Variants in BAHCC1 observed in about 807,000 individuals in gnomAD.
The protein encoded by BAHCC1 is BAH domain and coiled-coil containing 1, also known as BAH and coiled-coil domain-containing protein 1.
In BAHCC1, 43 loss-of-function variants were observed where a neutral mutation model predicts 88.2. That is an observed-to-expected ratio of 0.49 (90% confidence interval 0.38 to 0.63). BAHCC1 has a LOEUF of 0.63. Ranked by LOEUF, BAHCC1 falls within the 20% of genes least tolerant of loss-of-function variation. The pLI is 0.00. For missense variants in BAHCC1, 3,023 were observed against 1,654.8 expected, an observed-to-expected ratio of 1.83 and a Z score of -14.34; for synonymous variants, 1,510 against 745.5, an observed-to-expected ratio of 2.03 and a Z score of -16.71.
chr17:81,410,015 T>A, intron 2 of BAHCC1: 1 of 268,762 alleles, frequency 3.7e-6, no homozygotes. Flanking sequence ...TGGGGATCGG[T>A]GGCCCCTGCT....
Position 81,406,799 on chromosome 17 carries a change from T to C in BAHCC1, c.178+6882T>C, listed in dbSNP as rs180923692. 525 of 439,240 alleles carry C rather than the reference T, an allele frequency of 1.2e-3. 2 individuals are homozygous for C. Among genetic ancestry groups the C allele is most frequent in the African/African-American group, 9.7e-3 (482 of 49,610 alleles). The allele number at this position is 439,240 out of a possible 1,614,324, so 27.2% of individuals were successfully genotyped here. A position where few individuals can be genotyped will look rare whatever the true frequency, so the allele number is the denominator to read the frequency against. The stretch of plus-strand genomic sequence containing the variant: ...CTGGGGGCAGGCGGCGCCCAGGTCC[T>C]GGTTATGAGGTCGGCGCGGGGTTTG... On this transcript the variant is annotated intron_variant, in intron 2 of 27. Coordinates refer to ENST00000675386, the MANE Select transcript of BAHCC1 (RefSeq NM_001377448.1).
chr17:81,447,562 C>G lies in BAHCC1; in HGVS notation c.3690C>G (p.Asp1230Glu). 1.3e-6 allele frequency: 1 copy of G among 756,724 alleles called. No individual in the cohort carries two copies. The highest frequency in any genetic ancestry group is 2.5e-6 in the Non-Finnish European group (1 of 407,052). 46.9% of individuals were successfully genotyped at this position (756,724 alleles called of 1,614,324 possible). The part of the protein sequence containing the change: ...PAPEEDELEE[D>E]ELGQQSMEDS... ...CTGAGGAGGACGAGCTGGAGGAAGA[C>G]GAGCTGGGGCAGCAGAGCATGGAGG... Residue 1230 changes from aspartate to glutamate, a missense_variant, in exon 11 of 28, where the codon GAC becomes GAG. Transcript: ENST00000675386.
At position 81,463,986 on chromosome 17, in the gene BAHCC1, A is replaced by C; in HGVS notation, c.*169A>C. ...AGGCTTTCTTACGGTTTTCCCTGGA[A>C]AGAGCGCTCCAGGTGTCGGAATCCA... On this transcript the variant is annotated 3_prime_UTR_variant, in exon 28 of 28. Coordinates refer to ENST00000675386, the MANE Select transcript of BAHCC1 (RefSeq NM_001377448.1). 1 of 610,736 alleles carries C rather than the reference A, an allele frequency of 1.6e-6. No individual in the cohort carries two copies. Among genetic ancestry groups the C allele is most frequent in the Non-Finnish European group, 2.9e-6 (1 of 341,362 alleles). 37.8% of individuals were successfully genotyped at this position (610,736 alleles called of 1,614,324 possible).
Position 81,435,835 on chromosome 17 carries a change from C to T in BAHCC1, c.359-2535C>T, listed in dbSNP as rs1555651656. Among the ~76,000 whole-genome samples the T allele has an allele frequency of 1.3e-5, 2 of 151,930 alleles. No individual in the cohort carries two copies. The highest frequency in any genetic ancestry group is 2.9e-5 in the Non-Finnish European group (2 of 67,948). ...CCCCACTCCTCAGTGGCAGCCCCTT[C>T]CAGGATGCCTGTGTGTCCCCGGCCC... is the stretch of plus-strand genomic sequence containing the variant. On this transcript the variant is annotated intron_variant, in intron 3 of 27. Coordinates refer to ENST00000675386, the MANE Select transcript of BAHCC1 (RefSeq NM_001377448.1). The surrounding 1 kb of genome is among the most constrained non-coding windows in gnomAD (Gnocchi z 4.4).
chr17:81,419,784 G>A (rs1379224985), intron 2 of BAHCC1, among the ~76,000 whole-genome samples: 6 of 145,636 alleles, frequency 4.1e-5, no homozygotes, highest in African/African-American at 1.5e-4. Flanking sequence ...CCATCTCAAC[G>A]AGGCGTTTTT....
At chr17:81,398,944 A>C (rs562000653) in intron 1 of BAHCC1, among the ~76,000 whole-genome samples, 2 of 151,952 alleles carry the variant, frequency 1.3e-5, no homozygotes, top group African/African-American at 4.8e-5. Flanking sequence ...AAAAAAAAAA[A>C]AAACTCTTGA....
At chr17:81,414,375 T>A (rs1555648294) in intron 2 of BAHCC1, among the ~76,000 whole-genome samples, 1 of 152,202 alleles carries the variant, frequency 6.6e-6, no homozygotes, top group African/African-American at 2.4e-5. Flanking sequence ...GCGGCCAGCA[T>A]CACGGCCCGG....
At chr17:81,424,646 G>A (rs200986008) in intron 2 of BAHCC1, among the ~76,000 whole-genome samples, 2,191 of 152,186 alleles carry the variant, frequency 0.014, 114 homozygotes, top group East Asian at 0.12. Context: ...GATGTGGTTG[G>A]TGGTAATGGT....
rs782114732 is a variant in BAHCC1 at position 81,445,166 on chromosome 17, C to G, written c.2823C>G (p.Ala941=). The G allele has an allele frequency of 3.9e-6, 3 of 769,484 alleles. No homozygotes were observed. Among genetic ancestry groups the G allele is most frequent in the South Asian group, 1.4e-5 (1 of 72,828 alleles). 47.7% of individuals were successfully genotyped at this position (769,484 alleles called of 1,614,324 possible). ...TCTATGCTTTGCAGCAGCAGAGGGC[C>G]GCCCAGTTCCAGGTACCGCCCCTAG... ...QELYALQQQR[A]AQFQRKPEDQ... The change falls in exon 9 of 28, where the codon GCC becomes GCG. Residue 941 remains alanine (A), a synonymous_variant. Coordinates refer to ENST00000675386, the MANE Select transcript of BAHCC1 (RefSeq NM_001377448.1).
At chr17:81,403,799 G>C (rs1041492343) in intron 2 of BAHCC1, among the ~76,000 whole-genome samples, 23 of 152,230 alleles carry the variant, frequency 1.5e-4, no homozygotes, top group African/African-American at 5.5e-4. Context: ...GCCCAAAGGA[G>C]CTACGGGAAT....
intron 3 of BAHCC1, among the ~76,000 whole-genome samples, chr17:81,432,892 CCATCCCCA>C (rs2064284147): frequency 1.6e-4 from 2 of 12,798 alleles, no homozygotes; most frequent in African/African-American, 1.4e-3. Flanking sequence ...ACCTCCCCCC[CCATCCCCA>C]GGCCCACCCT....
At chr17:81,410,085 GA>G in intron 2 of BAHCC1, 1 of 375,646 alleles carries the variant, frequency 2.7e-6, no homozygotes, top group Non-Finnish European at 5.5e-6. Context: ...TGCCCTGCTG[GA>G]GGGTTGAGTG....
chr17:81,413,100 AG>A (rs2063975684), intron 2 of BAHCC1: 1 of 445,554 alleles, frequency 2.2e-6, no homozygotes, highest in African/African-American at 2.0e-5. Context: ...ACCAGGGTCC[AG>A]GGTTATCAGG....
intron 2 of BAHCC1, chr17:81,422,697 TGTG>T (rs2064129582): frequency 5.5e-6 from 2 of 363,516 alleles, no homozygotes; most frequent in South Asian, 4.0e-5. Context: ...CCCCACCTGA[TGTG>T]GTGTGGGAGA....
intron 4 of BAHCC1, among the ~76,000 whole-genome samples, chr17:81,438,961 G>A (rs2064375195): frequency 6.6e-6 from 1 of 152,018 alleles, no homozygotes. Context: ...ACGAGGCCCA[G>A]CCCCCAGCCC....
At chr17:81,421,916 T>C (rs1428678680) in intron 2 of BAHCC1, 3 of 406,380 alleles carry the variant, frequency 7.4e-6, no homozygotes, top group East Asian at 9.4e-5. Context: ...CATGTGATAC[T>C]GGAGAAGGGT....
chr17:81,418,196 A>T (rs2143327403), intron 2 of BAHCC1, among the ~76,000 whole-genome samples: 1 of 152,342 alleles, frequency 6.6e-6, no homozygotes, highest in East Asian at 1.9e-4. Context: ...GCAGGTGTGC[A>T]GTCGGGACAG....
intron 2 of BAHCC1, among the ~76,000 whole-genome samples, chr17:81,406,760 T>A (rs2143226258): frequency 6.6e-6 from 1 of 152,172 alleles, no homozygotes; most frequent in Non-Finnish European, 1.5e-5. Context: ...GCTGAGGGGA[T>A]GTGGTGGCAG....
At chr17:81,446,953 G>A (rs924629623) in intron 10 of BAHCC1, 83 bp from the exon 11 acceptor site, 8 of 749,636 alleles carry the variant, frequency 1.1e-5, no homozygotes, top group Non-Finnish European at 1.7e-5. Flanking sequence ...CTGAGGGTTC[G>A]AGGCCACTGT....
Sources: allele counts gnomAD v4.1 joint callset (sites outside exome capture counted in the v4.1 genomes callset), GRCh38; gene constraint gnomAD v4.1.1; non-coding constraint Gnocchi (gnomAD v3.1); transcripts MANE v1.5; gene names NCBI Gene and HGNC (gene_info 2026-07-23, HGNC 2026-07-21).